Variants in ABTB2 observed in about 807,000 individuals in gnomAD.
The protein encoded by ABTB2 is ankyrin repeat and BTB/POZ domain-containing protein 2.
In ABTB2, 56 loss-of-function variants were observed where a neutral mutation model predicts 104.1. The observed-to-expected ratio is 0.54, with a 90% CI of 0.43 to 0.67. The LOEUF is 0.67. Ranked by LOEUF, ABTB2 falls within the 30% of genes least tolerant of loss-of-function variation. The pLI, the probability that ABTB2 is intolerant of heterozygous loss-of-function variation, is 0.00. For missense variants in ABTB2, 1,279 were observed against 1,407.7 expected (o/e 0.91, Z 1.46); for synonymous variants, 606 against 608.2 (o/e 1.00, Z 0.05).
intron 7 of ABTB2, among the ~76,000 whole-genome samples, chr11:34,166,211 C>T (rs886218505): frequency 5.9e-5 from 9 of 152,264 alleles, no homozygotes; most frequent in Admixed American, 2.6e-4. Context: ...GGGAGCCCAA[C>T]CGCCCTTCCC....
At chr11:34,178,026 A>G (rs990739356) in intron 3 of ABTB2, among the ~76,000 whole-genome samples, 6 of 152,148 alleles carry the variant, frequency 3.9e-5, no homozygotes, top group Non-Finnish European at 7.4e-5. Context: ...AGCTCCTCCA[A>G]TGATTCTGTG....
In ABTB2 at chr11:34,157,886, C is replaced by G. The variant is rs539673988; in HGVS notation, c.2697+1410G>C. On this transcript the variant is annotated intron_variant, in intron 14 of 16. Coordinates refer to ENST00000435224, the MANE Select transcript of ABTB2 (RefSeq NM_145804.3). The stretch of plus-strand genomic sequence containing the variant: ...CCATCCCTTCTTACCGCTGCAAATG[C>G]AAACTTGGCTGTTTTGCACATCCTG... Among the ~76,000 whole-genome samples the G allele has an allele frequency of 5.3e-5, 8 of 152,378 alleles. No individual in the cohort carries two copies. In the South Asian group the frequency reaches 1.7e-3, roughly 32 times the overall value.
At chr11:34,317,394 T>C (rs1275990273) in intron 1 of ABTB2, among the ~76,000 whole-genome samples, 2 of 152,116 alleles carry the variant, frequency 1.3e-5, no homozygotes, top group African/African-American at 4.8e-5. Context: ...ATTTTTCCCT[T>C]GATTGCGCTC....
chr11:34,312,826 G>A (rs935126455), intron 1 of ABTB2, among the ~76,000 whole-genome samples: 3 of 152,084 alleles, frequency 2.0e-5, no homozygotes, highest in Non-Finnish European at 4.4e-5. Flanking sequence ...TCAGCCTTCC[G>A]AAGTGCTGGG....
chr11:34,312,103 T>TA (rs1210905519), intron 1 of ABTB2, among the ~76,000 whole-genome samples: 1 of 147,666 alleles, frequency 6.8e-6, no homozygotes, highest in African/African-American at 2.5e-5. Flanking sequence ...TTTGTGCCAT[T>TA]GCACTCCAGC....
chr11:34,322,890 G>T (rs184254860), intron 1 of ABTB2, among the ~76,000 whole-genome samples: 1 of 152,128 alleles, frequency 6.6e-6, no homozygotes, highest in East Asian at 1.9e-4. Context: ...TGTTGCCTAG[G>T]TGGGAACAAA....
At chr11:34,155,991 T>G (rs1852619990) in intron 14 of ABTB2, among the ~76,000 whole-genome samples, 1 of 152,176 alleles carries the variant, frequency 6.6e-6, no homozygotes, top group Admixed American at 6.5e-5. Context: ...CATACAGGGT[T>G]GGGGTTAGAG....
At chr11:34,246,847 C>CTTTTTTTTTTTTTTT (rs199831054) in intron 1 of ABTB2, among the ~76,000 whole-genome samples, 1 of 118,276 alleles carries the variant, frequency 8.5e-6, no homozygotes, top group Non-Finnish European at 1.8e-5. Context: ...TTTCTTTTTT[C>CTTTTTTTTTTTTTTT]TTTTTTTTTT....
At chr11:34,308,882 A>AAAAAAAAAAG (rs1252511057) in intron 1 of ABTB2, among the ~76,000 whole-genome samples, 17 of 150,932 alleles carry the variant, frequency 1.1e-4, no homozygotes, top group African/African-American at 4.1e-4. Flanking sequence ...AAAAAAAAAA[A>AAAAAAAAAAG]AAAAAGAAAA....
At chr11:34,170,426 A>G (rs1308407981) in intron 5 of ABTB2, among the ~76,000 whole-genome samples, 1 of 152,060 alleles carries the variant, frequency 6.6e-6, no homozygotes, top group Admixed American at 6.5e-5. Context: ...TTTCCTACCC[A>G]TTTTCATGCT....
In ABTB2 at chr11:34,154,272, TA is replaced by T; in HGVS notation, c.2872del (p.Tyr958MetfsTer22). ...SMESAVNTYK[Y>X]AKIHNAPELA... ...GGCATCCTTGGCCCTCACCTTGGCATATTTGTAGGTGTTCACGGCACTCTCC... is the reference window on the plus strand; with the variant it reads ...GGCATCCTTGGCCCTCACCTTGGCATTTTGTAGGTGTTCACGGCACTCTCC... On this transcript the variant is annotated frameshift_variant, in exon 16 of 17. Transcript: ENST00000435224. LOFTEE classifies it high-confidence loss of function. The surrounding 1 kb of genome is among the most constrained non-coding windows in gnomAD (Gnocchi z 4.9). 1 of 1,612,676 alleles carries T rather than the reference TA, an allele frequency of 6.2e-7. No homozygotes were observed. The highest frequency in any genetic ancestry group is 8.5e-7 in the Non-Finnish European group (1 of 1,178,876).
intron 1 of ABTB2, among the ~76,000 whole-genome samples, chr11:34,326,889 G>A (rs1407776839): frequency 6.6e-6 from 1 of 152,120 alleles, no homozygotes; most frequent in African/African-American, 2.4e-5. Flanking sequence ...AGGCAACATG[G>A]TGAAAGCCTG....
chr11:34,279,882 G>A (rs1016154785), intron 1 of ABTB2, among the ~76,000 whole-genome samples: 1 of 145,586 alleles, frequency 6.9e-6, no homozygotes, highest in African/African-American at 2.6e-5. Flanking sequence ...TTGGCCTCCC[G>A]GGTTCAAGTG....
chr11:34,331,685 A>G (rs1303336211), intron 1 of ABTB2, among the ~76,000 whole-genome samples: 1 of 152,234 alleles, frequency 6.6e-6, no homozygotes, highest in Non-Finnish European at 1.5e-5. Context: ...TTGATAAATG[A>G]ATCTTCCCAT....
intron 7 of ABTB2, among the ~76,000 whole-genome samples, chr11:34,167,021 A>G (rs1852811052): frequency 6.6e-6 from 1 of 152,238 alleles, no homozygotes; most frequent in Non-Finnish European, 1.5e-5. Flanking sequence ...ACAGGACCCT[A>G]GTGCTGCCTG....
At chr11:34,251,085 G>C (rs1185233191) in intron 1 of ABTB2, among the ~76,000 whole-genome samples, 1 of 152,182 alleles carries the variant, frequency 6.6e-6, no homozygotes, top group African/African-American at 2.4e-5. Flanking sequence ...TGGGCTAAGA[G>C]ATAAATCTTC....
chr11:34,154,885 TC>T lies in ABTB2; in HGVS notation c.2698-117del. The T allele has an allele frequency of 1.0e-6, 1 of 957,136 alleles. No homozygotes were observed. The allele number at this position is 957,136 out of a possible 1,614,324, so 59.3% of individuals were successfully genotyped here. Reference sequence around the variant, plus strand: ...CTCCAGGGGCCTGTCCCTCTGCAGGTCCCCAGCTCTGTCTCTCCCTCCCTCT... The same window carrying T: ...CTCCAGGGGCCTGTCCCTCTGCAGGTCCCAGCTCTGTCTCTCCCTCCCTCT... On this transcript the variant is annotated intron_variant, in intron 14 of 16. Transcript: ENST00000435224. This position sits in a 1 kb window ranked among gnomAD's most constrained non-coding sequence, Gnocchi z 4.9.
At chr11:34,331,866 C>G (rs1203627100) in intron 1 of ABTB2, among the ~76,000 whole-genome samples, 1 of 152,182 alleles carries the variant, frequency 6.6e-6, no homozygotes, top group African/African-American at 2.4e-5. Flanking sequence ...TCAGTAAAAG[C>G]CAAACCTCAT....
intron 2 of ABTB2, among the ~76,000 whole-genome samples, chr11:34,199,099 A>C (rs950549153): frequency 6.6e-6 from 1 of 152,214 alleles, no homozygotes; most frequent in African/African-American, 2.4e-5. Context: ...GGTTCTCAGC[A>C]GATATTTGGA....
Sources: allele counts gnomAD v4.1 joint callset (sites outside exome capture counted in the v4.1 genomes callset), GRCh38; gene constraint gnomAD v4.1.1; non-coding constraint Gnocchi (gnomAD v3.1); transcripts MANE v1.5; gene names NCBI Gene and HGNC (gene_info 2026-07-23, HGNC 2026-07-21).